Variants in ASIC2 observed in about 807,000 individuals in gnomAD.
The protein encoded by ASIC2 is acid sensing ion channel subunit 2.
A neutral mutation model predicts 57.3 loss-of-function variants in ASIC2; 25 were observed. The ratio of observed to expected loss-of-function variants is 0.44; its 90% CI spans 0.32 to 0.61. The LOEUF (loss-of-function observed/expected upper bound fraction) is 0.61, where lower values mean the gene tolerates loss of function less well. Among genes scored for constraint, ASIC2 ranks in the 20% least tolerant of loss-of-function variants. ASIC2 has a pLI of 0.06. For synonymous variants in ASIC2, 319 were observed against 307.5 expected, an observed-to-expected ratio of 1.04 and a Z score of -0.39; for missense variants, 641 against 738.1, an observed-to-expected ratio of 0.87 and a Z score of 1.52.
At chr17:33,232,194 A>C (rs1423493362) in intron 1 of ASIC2, among the ~76,000 whole-genome samples, 1 of 152,128 alleles carries the variant, frequency 6.6e-6, no homozygotes, top group Non-Finnish European at 1.5e-5. Context: ...TCTTTATAAG[A>C]GGAGGGAGAG....
chr17:33,294,313 G>A (rs1352885109), upstream of ASIC2, among the ~76,000 whole-genome samples: 2 of 152,194 alleles, frequency 1.3e-5, no homozygotes, highest in African/African-American at 4.8e-5. Context: ...GGACCAACGT[G>A]TGTATCCTTT....
intron 1 of ASIC2, among the ~76,000 whole-genome samples, chr17:33,323,728 C>T (rs1245988643): frequency 6.6e-6 from 1 of 152,056 alleles, no homozygotes; most frequent in Non-Finnish European, 1.5e-5. Flanking sequence ...CACACCCCCG[C>T]CCCAAAAAAG....
chr17:34,106,830 G>A (rs182036555), intron 1 of ASIC2, among the ~76,000 whole-genome samples: 66 of 152,122 alleles, frequency 4.3e-4, no homozygotes, highest in African/African-American at 1.6e-3. Flanking sequence ...TTCCAGCCCT[G>A]GAATATGAAA....
At chr17:33,300,847 G>A (rs543485674) in intron 1 of ASIC2, among the ~76,000 whole-genome samples, 2 of 152,286 alleles carry the variant, frequency 1.3e-5, no homozygotes, top group Admixed American at 6.5e-5. Context: ...GTTTAACTAA[G>A]ATAGGAAATT....
chr17:33,640,580 C>T (rs1226107506), intron 1 of ASIC2, among the ~76,000 whole-genome samples: 1 of 152,224 alleles, frequency 6.6e-6, no homozygotes, highest in Non-Finnish European at 1.5e-5. Context: ...GAGACTCTCT[C>T]AGCAGCTGCA....
intron 3 of ASIC2, among the ~76,000 whole-genome samples, chr17:33,083,312 G>A (rs1333345202): frequency 6.6e-6 from 1 of 151,996 alleles, no homozygotes; most frequent in Non-Finnish European, 1.5e-5. Flanking sequence ...GGAGAGGTAG[G>A]TGTCAGGAGC....
At chr17:33,848,235 C>T (rs1913667708) in intron 1 of ASIC2, among the ~76,000 whole-genome samples, 1 of 151,950 alleles carries the variant, frequency 6.6e-6, no homozygotes, top group Non-Finnish European at 1.5e-5. Context: ...ACATGGGCCC[C>T]CGAAGCAGCC....
chr17:33,239,652 G>T (rs774651586), intron 1 of ASIC2, among the ~76,000 whole-genome samples: 2 of 152,204 alleles, frequency 1.3e-5, no homozygotes, highest in Non-Finnish European at 2.9e-5. Flanking sequence ...GGTGCTCAGT[G>T]AGTGTTATTA....
intron 1 of ASIC2, among the ~76,000 whole-genome samples, chr17:33,839,952 C>T (rs1338826565): frequency 6.6e-6 from 1 of 152,202 alleles, no homozygotes; most frequent in Non-Finnish European, 1.5e-5. Context: ...TTCACCTCTG[C>T]CCTTGTTCTC....
Position 33,217,081 on chromosome 17 carries a change from C to T in ASIC2, c.708+74327G>A, listed in dbSNP as rs528291281. On this transcript the variant is annotated intron_variant, in intron 1 of 9. Transcript: ENST00000225823. Reference sequence around the variant, plus strand: ...TTGCTAATTTATGTGTTTTTGCTGGCTTGAATGTTACAGTAAATTAAAGGG... The same window carrying T: ...TTGCTAATTTATGTGTTTTTGCTGGTTTGAATGTTACAGTAAATTAAAGGG... Among the ~76,000 whole-genome samples the T allele has an allele frequency of 6.0e-4, 91 of 152,266 alleles. 1 individual carries two copies. Among genetic ancestry groups the T allele is most frequent in the African/African-American group, 2.0e-3 (84 of 41,552 alleles).
At chr17:33,736,076 T>C (rs1909901166) in intron 1 of ASIC2, among the ~76,000 whole-genome samples, 2 of 152,054 alleles carry the variant, frequency 1.3e-5, no homozygotes, top group Admixed American at 6.6e-5. Context: ...CTTTAGTGCT[T>C]GATACAAGCA....
intron 3 of ASIC2, among the ~76,000 whole-genome samples, chr17:33,042,033 G>T (rs1404555678): frequency 2.6e-5 from 4 of 152,136 alleles, no homozygotes; most frequent in African/African-American, 9.7e-5. Context: ...ATCAGAGCCT[G>T]CTTTTTGAGC....
At chr17:33,578,176 T>C (rs1356975831) in intron 1 of ASIC2, among the ~76,000 whole-genome samples, 1 of 152,146 alleles carries the variant, frequency 6.6e-6, no homozygotes, top group African/African-American at 2.4e-5. Flanking sequence ...CTGAACCCCT[T>C]CCACTCTACT....
Position 33,868,855 on chromosome 17 carries a change from G to A in ASIC2, c.555+287123C>T, listed in dbSNP as rs181275295. Among the ~76,000 whole-genome samples the A allele has an allele frequency of 3.7e-3, 565 of 152,334 alleles. 5 individuals are homozygous for A. The Middle Eastern group carries it at 0.058, about 16-fold the overall frequency. On this transcript the variant is annotated intron_variant, in intron 1 of 9. Transcript: ENST00000359872. ...AAGATGGGAGGATCACTTGAAGCCA[G>A]GAGTTTAAGACCAGCCAGGGAAACA...
chr17:34,028,467 G>A (rs1205950170), intron 1 of ASIC2, among the ~76,000 whole-genome samples: 1 of 152,210 alleles, frequency 6.6e-6, no homozygotes, highest in African/African-American at 2.4e-5. Context: ...TCAAATGAGT[G>A]TGTAGTCTGG....
At chr17:33,486,180 A>C (rs1305963183) in intron 1 of ASIC2, among the ~76,000 whole-genome samples, 2 of 152,214 alleles carry the variant, frequency 1.3e-5, no homozygotes, top group African/African-American at 2.4e-5. Flanking sequence ...GACATAATAA[A>C]GATGATGGTT....
chr17:33,749,810 C>T (rs913316833), intron 1 of ASIC2, among the ~76,000 whole-genome samples: 2 of 152,116 alleles, frequency 1.3e-5, no homozygotes, highest in African/African-American at 4.8e-5. Context: ...CCGTCCAAAG[C>T]CAGTGTGGAT....
chr17:33,790,853 C>A (rs1911748504), intron 1 of ASIC2, among the ~76,000 whole-genome samples: 1 of 152,166 alleles, frequency 6.6e-6, no homozygotes, highest in African/African-American at 2.4e-5. Flanking sequence ...ATGTACCAGA[C>A]ATGATGCTTA....
intron 1 of ASIC2, among the ~76,000 whole-genome samples, chr17:33,743,129 G>T (rs1412002277): frequency 2.0e-5 from 3 of 152,202 alleles, no homozygotes; most frequent in African/African-American, 7.2e-5. Flanking sequence ...GGCATGAGGG[G>T]CTCTGTTGGT....
Sources: allele counts gnomAD v4.1 joint callset (sites outside exome capture counted in the v4.1 genomes callset), GRCh38; gene constraint gnomAD v4.1.1; transcripts MANE v1.5; gene names NCBI Gene and HGNC (gene_info 2026-07-23, HGNC 2026-07-21).